The following KL variants were observed in gnomAD, a reference collection of about 807,000 sequenced individuals.
The protein encoded by KL is alpha-klotho.
In KL, 62 loss-of-function variants were observed where a neutral mutation model predicts 84.2. The ratio of observed to expected loss-of-function variants is 0.74; its 90% CI spans 0.60 to 0.91. KL has a LOEUF of 0.91. Ranked by LOEUF, KL falls within the 40% of genes least tolerant of loss-of-function variation. The pLI is 0.00. For synonymous variants in KL, 528 were observed against 528.0 expected (o/e 1.00, Z 0.00); for missense variants, 1,261 against 1,305.7 (o/e 0.97, Z 0.53).
At chr13:33,054,367 A>G (rs1392814121) in intron 2 of KL, 90 bp downstream of exon 2, 7 of 1,344,162 alleles carry the variant, frequency 5.2e-6, no homozygotes, top group Non-Finnish European at 6.3e-6. Flanking sequence ...GTGAATTTAT[A>G]TTTTTAAATC....
At chr13:33,034,311 C>G (rs2138205401) in intron 1 of KL, among the ~76,000 whole-genome samples, 1 of 152,320 alleles carries the variant, frequency 6.6e-6, no homozygotes, top group Middle Eastern at 3.4e-3. Context: ...TCCTCATTCT[C>G]TGGGGGTGAA....
chr13:33,039,458 A>G (rs1871257743), intron 1 of KL, among the ~76,000 whole-genome samples: 1 of 152,124 alleles, frequency 6.6e-6, no homozygotes, highest in Non-Finnish European at 1.5e-5. Flanking sequence ...GTATAATACA[A>G]TCTTGGTGAA....
chr13:33,064,021 T>C lies in KL; in HGVS notation c.2874T>C (p.Thr958=). 6.2e-7 allele frequency: 1 copy of C among 1,614,184 alleles called. No individual in the cohort carries two copies. The highest frequency in any genetic ancestry group is 8.5e-7 in the Non-Finnish European group (1 of 1,180,030). Residue 958 remains threonine (T), a synonymous_variant, in exon 5 of 5, where the codon ACT becomes ACC. Coordinates refer to ENST00000380099, the MANE Select transcript of KL (RefSeq NM_004795.4). ...IDSNGFPGPE[T]LERFCPEEFT... is the part of the protein sequence containing the mutation. ...GCAATGGTTTCCCGGGCCCAGAAACTCTGGAAAGATTTTGTCCAGAAGAAT... is the reference window on the plus strand; with the variant it reads ...GCAATGGTTTCCCGGGCCCAGAAACCCTGGAAAGATTTTGTCCAGAAGAAT...
intron 1 of KL, among the ~76,000 whole-genome samples, chr13:33,025,505 C>G (rs975051617): frequency 2.0e-5 from 3 of 152,170 alleles, no homozygotes; most frequent in African/African-American, 7.2e-5. Context: ...TAGGAAACAT[C>G]CCTTGCAAAG....
chr13:33,045,360 C>T (rs1041177410), intron 1 of KL, among the ~76,000 whole-genome samples: 7 of 152,192 alleles, frequency 4.6e-5, no homozygotes, highest in African/African-American at 1.7e-4. Flanking sequence ...CTGGCAAGAA[C>T]TTCTAGTACA....
intron 1 of KL, among the ~76,000 whole-genome samples, chr13:33,044,067 C>T (rs1340742491): frequency 6.6e-6 from 1 of 152,160 alleles, no homozygotes; most frequent in Non-Finnish European, 1.5e-5. Context: ...TTCCAGTTGT[C>T]AAGGATCATT....
chr13:33,052,235 T>C (rs1176358999), intron 1 of KL, among the ~76,000 whole-genome samples: 1 of 152,214 alleles, frequency 6.6e-6, no homozygotes, highest in Non-Finnish European at 1.5e-5. Flanking sequence ...CCCAAAGTGC[T>C]GGGACTGCAG....
intron 1 of KL, among the ~76,000 whole-genome samples, chr13:33,020,875 C>T (rs1345179094): frequency 6.6e-6 from 1 of 152,192 alleles, no homozygotes; most frequent in Non-Finnish European, 1.5e-5. Flanking sequence ...GTGGACAAGA[C>T]AGAGTCCTTG....
chr13:33,053,670 A>G, intron 1 of KL, 97 bp from the exon 2 acceptor site: 1 of 1,164,924 alleles, frequency 8.6e-7, no homozygotes, highest in South Asian at 1.3e-5. Context: ...GTTAGGCTTG[A>G]TGAGAAACAG....
At chr13:33,020,581 T>C (rs535703700) in intron 1 of KL, among the ~76,000 whole-genome samples, 5 of 152,312 alleles carry the variant, frequency 3.3e-5, no homozygotes, top group African/African-American at 1.2e-4. Context: ...TCCCCTTCTC[T>C]ATTATGATGA....
At chr13:33,025,505 C>T (rs975051617) in intron 1 of KL, among the ~76,000 whole-genome samples, 1 of 152,170 alleles carries the variant, frequency 6.6e-6, no homozygotes, top group African/African-American at 2.4e-5. Flanking sequence ...TAGGAAACAT[C>T]CCTTGCAAAG....
At chr13:33,052,707 G>A (rs961607440) in intron 1 of KL, among the ~76,000 whole-genome samples, 1 of 152,194 alleles carries the variant, frequency 6.6e-6, no homozygotes, top group African/African-American at 2.4e-5. Flanking sequence ...ATGAACAAAG[G>A]AGTTTCTGCA....
rs911688833 is a variant in KL, at chr13:33,038,102, T to C, written c.820-15665T>C. On this transcript the variant is annotated intron_variant, in intron 1 of 4. Coordinates refer to ENST00000380099, the MANE Select transcript of KL (RefSeq NM_004795.4). ...ACATTCTAATGCATTCTGCAATGGA[T>C]GATTTTGAGCATATGACTGATCATC... Among the ~76,000 whole-genome samples the C allele has an allele frequency of 5.9e-5, 9 of 152,358 alleles. 1 individual carries two copies. The South Asian group carries it at 1.4e-3, about 25-fold the overall frequency.
chr13:33,038,401 G>A (rs565004226), intron 1 of KL, among the ~76,000 whole-genome samples: 87 of 152,256 alleles, frequency 5.7e-4, no homozygotes, highest in African/African-American at 2.1e-3. Flanking sequence ...CACTATGGGG[G>A]GATATTTTAA....
intron 1 of KL, among the ~76,000 whole-genome samples, chr13:33,025,328 C>G (rs1247228037): frequency 1.3e-5 from 2 of 152,178 alleles, no homozygotes; most frequent in African/African-American, 4.8e-5. Flanking sequence ...TCTGTTGCAA[C>G]TATTACACAG....
chr13:33,057,043 G>A (rs1871988665), intron 3 of KL, among the ~76,000 whole-genome samples: 1 of 152,184 alleles, frequency 6.6e-6, no homozygotes, highest in South Asian at 2.1e-4. Context: ...TGGTGAGGAA[G>A]AAGGGGAGGA....
Position 33,046,261 on chromosome 13 carries a change from A to G in KL, c.820-7506A>G, listed in dbSNP as rs9568761. Among the ~76,000 whole-genome samples the G allele has an allele frequency of 1.4e-3, 212 of 152,316 alleles. 3 individuals carry two copies. The East Asian group carries it at 0.037, about 26-fold the overall frequency. Reference sequence around the variant, plus strand: ...TTTGGTACAATTCACTATTAAAGCCACTAGTCCTGGGCTTTTCTTAGTTTG... The same window carrying G: ...TTTGGTACAATTCACTATTAAAGCCGCTAGTCCTGGGCTTTTCTTAGTTTG... On this transcript the variant is annotated intron_variant, in intron 1 of 4. Coordinates refer to ENST00000380099, the MANE Select transcript of KL (RefSeq NM_004795.4).
chr13:33,038,346 C>A (rs1871216817), intron 1 of KL, among the ~76,000 whole-genome samples: 1 of 152,136 alleles, frequency 6.6e-6, no homozygotes, highest in South Asian at 2.1e-4. Flanking sequence ...TCATAGTTTC[C>A]ATGCTTAGAC....
At chr13:33,035,930 CT>C (rs1871134909) in intron 1 of KL, among the ~76,000 whole-genome samples, 1 of 152,160 alleles carries the variant, frequency 6.6e-6, no homozygotes. Context: ...GTTATGAAAT[CT>C]TTTTTATTTC....
Sources: allele counts gnomAD v4.1 joint callset (sites outside exome capture counted in the v4.1 genomes callset), GRCh38; gene constraint gnomAD v4.1.1; transcripts MANE v1.5; gene names NCBI Gene and HGNC (gene_info 2026-07-23, HGNC 2026-07-21).